The following ULK4 variants were observed in gnomAD, a reference collection of about 807,000 sequenced individuals.
ULK4 encodes the protein unc-51 like kinase 4.
In ULK4, 133 loss-of-function variants were observed where a neutral mutation model predicts 160.6. The observed-to-expected ratio is 0.83, with a 90% CI of 0.72 to 0.96. The LOEUF is 0.96. Ranked by LOEUF, ULK4 falls within the 40% of genes least tolerant of loss-of-function variation. The pLI is 0.00. For synonymous variants in ULK4, 534 were observed against 539.8 expected, an observed-to-expected ratio of 0.99 and a Z score of 0.15; for missense variants, 1,580 against 1,499.5, an observed-to-expected ratio of 1.05 and a Z score of -0.89.
chr3:41,812,345 T>C (rs748143643), intron 19 of ULK4, among the ~76,000 whole-genome samples: 2 of 152,154 alleles, frequency 1.3e-5, no homozygotes, highest in Non-Finnish European at 2.9e-5. Flanking sequence ...ATGTTAGATC[T>C]TTTTGTCCTC....
intron 5 of ULK4, among the ~76,000 whole-genome samples, chr3:41,926,963 A>G (rs1432072374): frequency 6.6e-6 from 1 of 152,220 alleles, no homozygotes; most frequent in African/African-American, 2.4e-5. Flanking sequence ...ACCTAGCAAG[A>G]CAGGCCAACA....
intron 19 of ULK4, among the ~76,000 whole-genome samples, chr3:41,810,943 T>C (rs758846329): frequency 1.3e-5 from 2 of 152,084 alleles, no homozygotes; most frequent in Non-Finnish European, 2.9e-5. Flanking sequence ...TGAAGGGCAA[T>C]AGTGTGCATA....
At chr3:41,828,156 A>T (rs1407725460) in intron 18 of ULK4, among the ~76,000 whole-genome samples, 1 of 146,188 alleles carries the variant, frequency 6.8e-6, no homozygotes, top group Non-Finnish European at 1.5e-5. Flanking sequence ...TCTCAAAATA[A>T]TAAGAGCTAT....
chr3:41,702,553 T>C (rs897194867), intron 27 of ULK4, among the ~76,000 whole-genome samples: 1 of 152,130 alleles, frequency 6.6e-6, no homozygotes, highest in African/African-American at 2.4e-5. Flanking sequence ...CAGGCAAATA[T>C]TAATCAAAAC....
chr3:41,431,794 C>CTTT lies in ULK4; in HGVS notation c.3492+23700_3492+23702dup, dbSNP rs11402711. Among the ~76,000 whole-genome samples the CTTT allele has an allele frequency of 3.1e-4, 42 of 134,922 alleles. 1 individual carries two copies. The highest frequency in any genetic ancestry group is 3.7e-3 in the Middle Eastern group (1 of 268). 88.5% of individuals were successfully genotyped at this position (134,922 alleles called of 152,430 possible). A position where few individuals can be genotyped will look rare whatever the true frequency, so the allele number is the denominator to read the frequency against. ...ATTTCTTTTTTTTCCTTTTTCTTTT[C>CTTT]TTTTTTTTTTTTTGAGACAGAGTCC... is the stretch of plus-strand genomic sequence containing the variant. On this transcript the variant is annotated intron_variant, in intron 34 of 36. Coordinates refer to ENST00000301831, the MANE Select transcript of ULK4 (RefSeq NM_017886.4).
chr3:41,267,511 TC>T (rs1358882461), intron 35 of ULK4, among the ~76,000 whole-genome samples: 2 of 152,180 alleles, frequency 1.3e-5, no homozygotes, highest in Non-Finnish European at 2.9e-5. Context: ...TGACTTATAT[TC>T]CTTTGGGTAT....
intron 35 of ULK4, among the ~76,000 whole-genome samples, chr3:41,293,320 C>T (rs187512953): frequency 6.6e-6 from 1 of 152,144 alleles, no homozygotes; most frequent in Admixed American, 6.5e-5. Context: ...GGCAGGATTC[C>T]ATGGAAGGTC....
chr3:41,700,540 C>T (rs907137588), intron 27 of ULK4, among the ~76,000 whole-genome samples: 8 of 152,140 alleles, frequency 5.3e-5, no homozygotes, highest in African/African-American at 1.9e-4. Flanking sequence ...ACAAATGATG[C>T]TGATCTGAGG....
chr3:41,346,910 T>G (rs2080811905), intron 35 of ULK4, among the ~76,000 whole-genome samples: 5 of 152,202 alleles, frequency 3.3e-5, no homozygotes, highest in African/African-American at 1.2e-4. Flanking sequence ...TGGTCACATA[T>G]AGACTCGGTG....
chr3:41,581,885 T>A (rs999843651), intron 31 of ULK4, among the ~76,000 whole-genome samples: 7 of 152,186 alleles, frequency 4.6e-5, no homozygotes, highest in African/African-American at 1.7e-4. Context: ...GAGCAAAGAC[T>A]GTGGCTGCAC....
chr3:41,545,792 CT>C (rs1186264140), intron 32 of ULK4, among the ~76,000 whole-genome samples: 1 of 152,074 alleles, frequency 6.6e-6, no homozygotes, highest in East Asian at 1.9e-4. Flanking sequence ...GTCCCATAGG[CT>C]TTTTCATTTT....
At chr3:41,421,941 T>A (rs763636913) in intron 34 of ULK4, among the ~76,000 whole-genome samples, 14 of 152,138 alleles carry the variant, frequency 9.2e-5, no homozygotes, top group Non-Finnish European at 2.1e-4. Context: ...ATGATCCACT[T>A]GTTTGTTGTT....
chr3:41,474,528 T>C (rs1411209492), intron 32 of ULK4, among the ~76,000 whole-genome samples: 1 of 152,024 alleles, frequency 6.6e-6, no homozygotes, highest in Non-Finnish European at 1.5e-5. Context: ...ATATAAAGTT[T>C]CTGCACAACA....
chr3:41,517,975 T>C lies in ULK4; in HGVS notation c.3226+48050A>G, dbSNP rs749587577. Among the ~76,000 whole-genome samples, 132 of 152,342 alleles carry C rather than the reference T, an allele frequency of 8.7e-4. 1 individual carries two copies. Among genetic ancestry groups the C allele is most frequent in the African/African-American group, 7.0e-4 (29 of 41,578 alleles). Reference sequence around the variant, plus strand: ...AAATATTCCATGGCTCAAAAAAGATTTGTTGAATGAAATTTAAGGGAACAA... The same window carrying C: ...AAATATTCCATGGCTCAAAAAAGATCTGTTGAATGAAATTTAAGGGAACAA... On this transcript the variant is annotated intron_variant, in intron 32 of 36. Coordinates refer to ENST00000301831, the MANE Select transcript of ULK4 (RefSeq NM_017886.4).
chr3:41,840,741 C>A (rs1559598200), intron 17 of ULK4, among the ~76,000 whole-genome samples: 1 of 152,240 alleles, frequency 6.6e-6, no homozygotes. Context: ...CACCTTCCAG[C>A]CGCCTGCCTT....
intron 20 of ULK4, among the ~76,000 whole-genome samples, chr3:41,790,898 GC>G (rs2040132194): frequency 6.6e-6 from 1 of 152,094 alleles, no homozygotes; most frequent in African/African-American, 2.4e-5. Context: ...AGAGAAATAA[GC>G]TTAAGCTATG....
chr3:41,804,273 A>C (rs2040565856), intron 19 of ULK4, among the ~76,000 whole-genome samples: 1 of 152,160 alleles, frequency 6.6e-6, no homozygotes, highest in Non-Finnish European at 1.5e-5. Context: ...TTTTGCCTGC[A>C]TAAATGTCTT....
intron 32 of ULK4, among the ~76,000 whole-genome samples, chr3:41,522,495 T>A (rs1188208657): frequency 6.6e-6 from 1 of 152,176 alleles, no homozygotes; most frequent in African/African-American, 2.4e-5. Context: ...ATTGAAAATA[T>A]GGCTTTGATA....
rs568406782 is a variant in ULK4, at chr3:41,574,531, C to CTTTTT, written c.3121-8406_3121-8402dup. ...CCTCCACTACTGCTACCAGAGTCCT[C>CTTTTT]TTTTTTTTTTTTTTTTTTTTTTTTT... On this transcript the variant is annotated intron_variant, in intron 31 of 36. Coordinates refer to ENST00000301831, the MANE Select transcript of ULK4 (RefSeq NM_017886.4). Among the ~76,000 whole-genome samples the CTTTTT allele has an allele frequency of 1.6e-3, 143 of 92,134 alleles. 17 individuals are homozygous for CTTTTT. The highest frequency in any genetic ancestry group is 2.6e-3 in the African/African-American group (72 of 28,072). The allele number at this position is 92,134 out of a possible 152,430, so 60.4% of individuals were successfully genotyped here.
Sources: gnomAD v4.1 joint callset for allele counts (sites outside exome capture counted in the v4.1 genomes callset) on GRCh38, gnomAD v4.1.1 for gene constraint, MANE v1.5 for transcripts, NCBI Gene and HGNC (gene_info 2026-07-23, HGNC 2026-07-21) for gene names.